UNC13B: variants seen among roughly 807,000 people sequenced by gnomAD.
UNC13B encodes the protein unc-13 homolog B.
UNC13B carries 144 observed loss-of-function variants against 211.0 expected under a neutral mutation model. That is an observed-to-expected ratio of 0.68 (90% confidence interval 0.60 to 0.78). UNC13B has a LOEUF of 0.78. UNC13B is among the 30% of genes least tolerant of loss of function. The pLI, the probability that UNC13B is intolerant of heterozygous loss-of-function variation, is 0.00. For missense variants in UNC13B, 1,777 were observed against 2,002.0 expected, an observed-to-expected ratio of 0.89 and a Z score of 2.14; for synonymous variants, 709 against 725.8, an observed-to-expected ratio of 0.98 and a Z score of 0.37.
chr9:35,344,849 T>A (rs201390864), intron 11 of UNC13B, among the ~76,000 whole-genome samples: 1 of 152,222 alleles, frequency 6.6e-6, no homozygotes, highest in East Asian at 1.9e-4. Context: ...TCCAACTATG[T>A]TCTGGTTTCT....
intron 7 of UNC13B, among the ~76,000 whole-genome samples, chr9:35,287,383 C>T (rs1176378341): frequency 2.6e-5 from 4 of 152,138 alleles, no homozygotes; most frequent in African/African-American, 9.7e-5. Context: ...CTGCCCACCT[C>T]AACCTCCCAA....
At chr9:35,389,750 T>C in intron 24 of UNC13B, 96 bp from the exon 25 acceptor site, 1 of 1,338,918 alleles carries the variant, frequency 7.5e-7, no homozygotes, top group Non-Finnish European at 1.0e-6. Flanking sequence ...GAGGAAGAGG[T>C]ATAGGAAGGG....
intron 1 of UNC13B, among the ~76,000 whole-genome samples, chr9:35,200,775 T>C (rs1011105336): frequency 1.8e-4 from 28 of 152,240 alleles, no homozygotes; most frequent in African/African-American, 3.6e-4. Flanking sequence ...ATCATGTCAT[T>C]TGCAAACAGG....
intron 1 of UNC13B, among the ~76,000 whole-genome samples, chr9:35,220,009 G>T (rs376619111): frequency 6.6e-6 from 1 of 152,018 alleles, no homozygotes; most frequent in Non-Finnish European, 1.5e-5. Context: ...AATTGTGTTA[G>T]CATGAGGTAA....
At chr9:35,165,279 T>C (rs1587267265) in intron 1 of UNC13B, among the ~76,000 whole-genome samples, 1 of 152,024 alleles carries the variant, frequency 6.6e-6, no homozygotes, top group East Asian at 1.9e-4. Context: ...TAGCTTAACA[T>C]AAAGAAGAAC....
chr9:35,404,462 AGCTGAGCCTGTT>A lies in UNC13B; in HGVS notation c.*438_*449del, dbSNP rs1836553336. 5.0e-6 allele frequency: 1 copy of A among 199,340 alleles called. No homozygotes were observed. Among genetic ancestry groups the A allele is most frequent in the African/African-American group, 2.3e-5 (1 of 43,590 alleles). The allele number at this position is 199,340 out of a possible 1,614,324, so 12.3% of individuals were successfully genotyped here. A position where few individuals can be genotyped will look rare whatever the true frequency, so the allele number is the denominator to read the frequency against. On this transcript the variant is annotated 3_prime_UTR_variant, in exon 40 of 40. Transcript: ENST00000635942. ...CTTGTGCCTGGCTGGCTGGGTAGTCAGCTGAGCCTGTTGCTGAGCCCGGTGGTCTGGATTGGA... is the reference window on the plus strand; with the variant it reads ...CTTGTGCCTGGCTGGCTGGGTAGTCAGCTGAGCCCGGTGGTCTGGATTGGA...
At chr9:35,188,723 A>T (rs1322970787) in intron 1 of UNC13B, among the ~76,000 whole-genome samples, 1 of 152,180 alleles carries the variant, frequency 6.6e-6, no homozygotes, top group Non-Finnish European at 1.5e-5. Flanking sequence ...TAAATTGCTT[A>T]TTTTGCCAAA....
intron 11 of UNC13B, chr9:35,352,291 G>T: frequency 8.1e-7 from 1 of 1,232,124 alleles, no homozygotes; most frequent in Non-Finnish European, 1.0e-6. Flanking sequence ...AGTGCAACAG[G>T]TACATTAAAA....
intron 1 of UNC13B, among the ~76,000 whole-genome samples, chr9:35,184,765 G>A (rs886219176): frequency 8.8e-6 from 1 of 113,124 alleles, no homozygotes; most frequent in African/African-American, 3.4e-5. Flanking sequence ...AGAAAGGAAG[G>A]AAGGAAGGAA....
intron 1 of UNC13B, among the ~76,000 whole-genome samples, chr9:35,204,163 C>T (rs1382962057): frequency 6.6e-6 from 1 of 152,236 alleles, no homozygotes; most frequent in African/African-American, 2.4e-5. Context: ...TGGTGGTTTA[C>T]ACTTGGTGTT....
rs574863687 is a variant in UNC13B, at chr9:35,184,335, G to T, written c.22+22030G>T. 9.5e-3 allele frequency among the ~76,000 whole-genome samples: 1,450 copies of T among 152,344 alleles called. 11 individuals carry two copies. The highest frequency in any genetic ancestry group is 0.017 in the Non-Finnish European group (1,174 of 68,024). On this transcript the variant is annotated intron_variant, in intron 1 of 39. Coordinates refer to ENST00000635942, the MANE Select transcript of UNC13B (RefSeq NM_001371189.2). Reference sequence around the variant, plus strand: ...TGGCCGGGCAGAGGCTGTAATCTTAGCACTTTGGGAGGCCAAGGCAGGCGG... The same window carrying T: ...TGGCCGGGCAGAGGCTGTAATCTTATCACTTTGGGAGGCCAAGGCAGGCGG...
At chr9:35,244,424 A>G (rs1825972371) in intron 6 of UNC13B, among the ~76,000 whole-genome samples, 1 of 152,184 alleles carries the variant, frequency 6.6e-6, no homozygotes, top group Non-Finnish European at 1.5e-5. Flanking sequence ...AGTACCACAA[A>G]CTAGGTGGCT....
chr9:35,184,527 G>C (rs775486471), intron 1 of UNC13B, among the ~76,000 whole-genome samples: 38 of 152,172 alleles, frequency 2.5e-4, no homozygotes, highest in Non-Finnish European at 4.7e-4. Context: ...GGTCAACAGG[G>C]CGAAACCCCG....
In UNC13B at chr9:35,341,882, C is replaced by G. The variant is rs186953113; in HGVS notation, c.9415-25065C>G. Reference sequence around the variant, plus strand: ...AGCAGCAGCAGGAGCAGGAGCTGCCCTGCTTTCTGCCTCAGTCTCAAAGCC... The same window carrying G: ...AGCAGCAGCAGGAGCAGGAGCTGCCGTGCTTTCTGCCTCAGTCTCAAAGCC... On this transcript the variant is annotated intron_variant, in intron 11 of 39. Transcript: ENST00000635942. 2,170 of 979,420 alleles carry G rather than the reference C, an allele frequency of 2.2e-3. 3 individuals carry two copies. Among genetic ancestry groups the G allele is most frequent in the Non-Finnish European group, 2.4e-3 (2,017 of 824,220 alleles). 60.7% of individuals were successfully genotyped at this position (979,420 alleles called of 1,614,324 possible).
At chr9:35,204,171 G>A (rs1298345992) in intron 1 of UNC13B, among the ~76,000 whole-genome samples, 1 of 152,258 alleles carries the variant, frequency 6.6e-6, no homozygotes, top group African/African-American at 2.4e-5. Flanking sequence ...TACACTTGGT[G>A]TTAAGCCTGT....
At chr9:35,236,101 T>C (rs1825491459) in intron 3 of UNC13B, among the ~76,000 whole-genome samples, 1 of 150,800 alleles carries the variant, frequency 6.6e-6, no homozygotes, top group South Asian at 2.1e-4. Flanking sequence ...GTAGTAAATA[T>C]ATTTATCACC....
chr9:35,279,174 A>C (rs1828345659), intron 7 of UNC13B, among the ~76,000 whole-genome samples: 1 of 152,178 alleles, frequency 6.6e-6, no homozygotes, highest in Admixed American at 6.5e-5. Context: ...AGGAGACCTC[A>C]TACCCATTAA....
chr9:35,248,855 G>A (rs1482501628), intron 6 of UNC13B, among the ~76,000 whole-genome samples: 1 of 152,206 alleles, frequency 6.6e-6, no homozygotes, highest in Non-Finnish European at 1.5e-5. Flanking sequence ...GGAGAGTTCT[G>A]TAGATGTCTA....
chr9:35,266,983 G>A (rs1827615593), intron 7 of UNC13B, among the ~76,000 whole-genome samples: 1 of 152,166 alleles, frequency 6.6e-6, no homozygotes, highest in African/African-American at 2.4e-5. Flanking sequence ...TATTATGAGA[G>A]GGAGCAGAGT....
Sources: allele counts gnomAD v4.1 joint callset (sites outside exome capture counted in the v4.1 genomes callset), GRCh38; gene constraint gnomAD v4.1.1; transcripts MANE v1.5; gene names NCBI Gene and HGNC (gene_info 2026-07-23, HGNC 2026-07-21).